The following RERE variants were observed in gnomAD, a reference collection of about 807,000 sequenced individuals.
RERE encodes arginine-glutamic acid dipeptide repeats protein.
Under a neutral mutation model 146.1 loss-of-function variants are expected in RERE, and 40 were observed. The observed-to-expected ratio is 0.27, with a 90% CI of 0.21 to 0.36. The LOEUF (loss-of-function observed/expected upper bound fraction) is 0.36. Among genes scored for constraint, RERE ranks in the 10% least tolerant of loss-of-function variants. The pLI, the probability that RERE is intolerant of heterozygous loss-of-function variation, is 1.00. For synonymous variants in RERE, 1,003 were observed against 866.0 expected (o/e 1.16, Z -2.78); for missense variants, 1,933 against 2,138.7 (o/e 0.90, Z 1.90).
chr1:8,530,655 G>C (rs1203780194), intron 7 of RERE, among the ~76,000 whole-genome samples: 1 of 149,522 alleles, frequency 6.7e-6, no homozygotes, highest in East Asian at 2.0e-4. Flanking sequence ...CGCATATCTA[G>C]ACATGGAACT....
Position 8,364,710 on chromosome 1 carries a change from C to A in RERE, c.1540+36G>T, listed in dbSNP as rs1271847312. ...TTCAGAACATGGAAGTGCTTGTGCCCCCGCCCCGCCCCAGGAGCGTGACGA... is the reference window on the plus strand; with the variant it reads ...TTCAGAACATGGAAGTGCTTGTGCCACCGCCCCGCCCCAGGAGCGTGACGA... On this transcript the variant is annotated intron_variant, in intron 14 of 22. Transcript: ENST00000400908. The surrounding 1 kb of genome is among the most constrained non-coding windows in gnomAD (Gnocchi z 5.1). 1 of 1,514,656 alleles carries A rather than the reference C, an allele frequency of 6.6e-7. No homozygotes were observed. The highest frequency in any genetic ancestry group is 9.2e-7 in the Non-Finnish European group (1 of 1,089,816). The allele number at this position is 1,514,656 out of a possible 1,614,324, so 93.8% of individuals were successfully genotyped here.
intron 1 of RERE, among the ~76,000 whole-genome samples, chr1:8,776,848 T>C (rs1010729766): frequency 3.3e-5 from 5 of 152,000 alleles, no homozygotes; most frequent in African/African-American, 1.2e-4. Context: ...GCCTCCGGAA[T>C]AGCTGAGAGT....
At chr1:8,728,482 T>C (rs2124483498) in intron 1 of RERE, among the ~76,000 whole-genome samples, 1 of 151,546 alleles carries the variant, frequency 6.6e-6, no homozygotes, top group Middle Eastern at 3.4e-3. Flanking sequence ...AAAAACCCTA[T>C]TGAAACCATG....
At position 8,423,713 on chromosome 1, in the gene RERE, C is replaced by T. The variant is rs1171125162; in HGVS notation, c.1204-906G>A. On this transcript the variant is annotated intron_variant, in intron 11 of 22. Transcript: ENST00000400908. The surrounding 1 kb of genome is among the most constrained non-coding windows in gnomAD (Gnocchi z 5.4). ...GGCCGCGGGTGGCTCGGCGTGTGAC[C>T]GCGGCGGGGCCGCGCGGCGCGGGGC... 19 of 980,306 alleles carry T rather than the reference C, an allele frequency of 1.9e-5. No individual in the cohort carries two copies. The highest frequency in any genetic ancestry group is 6.3e-5 in the Admixed American group (1 of 15,864). 60.7% of individuals were successfully genotyped at this position (980,306 alleles called of 1,614,324 possible).
At chr1:8,531,005 TTTTC>T (rs936563766) in intron 7 of RERE, among the ~76,000 whole-genome samples, 5 of 143,224 alleles carry the variant, frequency 3.5e-5, no homozygotes, top group Non-Finnish European at 7.6e-5. Context: ...CTGAACTGAG[TTTTC>T]TATCTATCTA....
chr1:8,502,689 G>T (rs1011352421), intron 8 of RERE, among the ~76,000 whole-genome samples: 1 of 150,618 alleles, frequency 6.6e-6, no homozygotes, highest in Non-Finnish European at 1.5e-5. Flanking sequence ...GATGGTTGCC[G>T]GGTCTGTGTG....
chr1:8,539,779 T>C (rs1645775539), intron 7 of RERE, among the ~76,000 whole-genome samples: 1 of 152,114 alleles, frequency 6.6e-6, no homozygotes, highest in African/African-American at 2.4e-5. Context: ...TCAAGCACTA[T>C]CTAGAATCTA....
In RERE at chr1:8,746,804, G is replaced by C. The variant is rs924556996; in HGVS notation, c.-145+70356C>G. Among the ~76,000 whole-genome samples, 7 of 149,214 alleles carry C rather than the reference G, an allele frequency of 4.7e-5. 1 individual carries two copies. The highest frequency in any genetic ancestry group is 1.0e-4 in the Non-Finnish European group (7 of 67,332). ...GGCAAGCAAGTGTGGGAGCGTGTAT[G>C]GGGGGGAAGTGAGAGAGAAGGAGGG... On this transcript the variant is annotated intron_variant, in intron 1 of 22. Transcript: ENST00000400908.
chr1:8,688,515 T>C (rs1439082739), intron 1 of RERE, among the ~76,000 whole-genome samples: 3 of 151,388 alleles, frequency 2.0e-5, no homozygotes, highest in African/African-American at 7.3e-5. Context: ...GAGCCAAAAT[T>C]GTACCACTGC....
chr1:8,359,729 C>A, intron 19 of RERE, 35 bp downstream of exon 19: 1 of 1,591,308 alleles, frequency 6.3e-7, no homozygotes, highest in South Asian at 1.1e-5. Context: ...GATGGACCAG[C>A]GCCCCCCGTC....
chr1:8,670,526 G>A (rs950102163), intron 1 of RERE, among the ~76,000 whole-genome samples: 1 of 152,132 alleles, frequency 6.6e-6, no homozygotes, highest in Non-Finnish European at 1.5e-5. Flanking sequence ...CATAAGATGT[G>A]CTATAGAAAA....
intron 1 of RERE, among the ~76,000 whole-genome samples, chr1:8,672,514 C>A (rs1414845024): frequency 6.6e-6 from 1 of 152,174 alleles, no homozygotes; most frequent in African/African-American, 2.4e-5. Context: ...CAAATTCTGG[C>A]TAATGACAGG....
chr1:8,650,792 G>A (rs1647584365), intron 2 of RERE, among the ~76,000 whole-genome samples: 1 of 152,068 alleles, frequency 6.6e-6, no homozygotes, highest in Non-Finnish European at 1.5e-5. Flanking sequence ...AGCTACTTAT[G>A]AGGCTGAGGC....
At chr1:8,418,896 C>G (rs1468682557) in intron 12 of RERE, among the ~76,000 whole-genome samples, 1 of 152,120 alleles carries the variant, frequency 6.6e-6, no homozygotes, top group African/African-American at 2.4e-5. Context: ...AAAGCAGAAT[C>G]AAGAGGCCTA....
intron 1 of RERE, among the ~76,000 whole-genome samples, chr1:8,714,235 T>C (rs1238215735): frequency 6.6e-6 from 1 of 152,206 alleles, no homozygotes; most frequent in Non-Finnish European, 1.5e-5. Flanking sequence ...AATGAAATTC[T>C]CTCAACTTTA....
At chr1:8,789,174 G>A (rs1315437270) in intron 1 of RERE, among the ~76,000 whole-genome samples, 1 of 149,484 alleles carries the variant, frequency 6.7e-6, no homozygotes. Flanking sequence ...GCTGGGCACA[G>A]TGGCTCACAC....
At chr1:8,814,636 G>C (rs1641876485) in intron 1 of RERE, among the ~76,000 whole-genome samples, 1 of 152,110 alleles carries the variant, frequency 6.6e-6, no homozygotes, top group South Asian at 2.1e-4. Context: ...TAAATCCCAA[G>C]AAAAACCTCT....
intron 11 of RERE, among the ~76,000 whole-genome samples, chr1:8,448,163 C>T (rs1256227275): frequency 1.3e-5 from 2 of 152,144 alleles, no homozygotes; most frequent in East Asian, 1.9e-4. Context: ...CCTCTGCACA[C>T]GACAGGCATT....
chr1:8,441,207 G>A (rs538381324), intron 11 of RERE, among the ~76,000 whole-genome samples: 1 of 152,224 alleles, frequency 6.6e-6, no homozygotes, highest in African/African-American at 2.4e-5. Flanking sequence ...CTCTCCCAGT[G>A]CCCAGAAGTG....
Sources: allele counts gnomAD v4.1 joint callset (sites outside exome capture counted in the v4.1 genomes callset), GRCh38; gene constraint gnomAD v4.1.1; non-coding constraint Gnocchi (gnomAD v3.1); transcripts MANE v1.5; gene names NCBI Gene and HGNC (gene_info 2026-07-23, HGNC 2026-07-21).